The following SLC18B1 variants were observed in gnomAD, a reference collection of about 807,000 sequenced individuals.
SLC18B1 encodes the protein solute carrier family 18 member B1.
SLC18B1 carries 62 observed loss-of-function variants against 53.9 expected under a neutral mutation model. The ratio of observed to expected loss-of-function variants is 1.15; its 90% CI spans 0.94 to 1.42. The LOEUF (loss-of-function observed/expected upper bound fraction) is 1.42. Ranked by LOEUF, SLC18B1 falls within the 40% of genes most tolerant of loss-of-function variation. The probability of loss-of-function intolerance (pLI) is 0.00; values close to 1 mark genes in which losing one functional copy is unlikely to be tolerated. For synonymous variants in SLC18B1, 217 were observed against 200.9 expected (o/e 1.08, Z -0.68); for missense variants, 598 against 547.3 (o/e 1.09, Z -0.93).
Position 132,798,502 on chromosome 6 carries a change from C to T in SLC18B1, c.-46G>A, listed in dbSNP as rs753584107. 43 of 1,440,968 alleles carry T rather than the reference C, an allele frequency of 3.0e-5. No individual in the cohort carries two copies. Among genetic ancestry groups the T allele is most frequent in the Admixed American group, 1.4e-4 (5 of 35,510 alleles). 89.3% of individuals were successfully genotyped at this position (1,440,968 alleles called of 1,614,324 possible). ...CGCCCCAGCTCCCGGCTTCAAGCCACGTCCTTGGACTCGACCTCCAAGGAG... is the reference window on the plus strand; with the variant it reads ...CGCCCCAGCTCCCGGCTTCAAGCCATGTCCTTGGACTCGACCTCCAAGGAG... On this transcript the variant is annotated 5_prime_UTR_variant, in exon 1 of 14. The change creates a new upstream start codon in the 5' untranslated region. Coordinates refer to ENST00000275227, the MANE Select transcript of SLC18B1 (RefSeq NM_052831.3).
chr6:132,782,777 A>ATT (rs397886990), intron 6 of SLC18B1, among the ~76,000 whole-genome samples: 17 of 144,566 alleles, frequency 1.2e-4, no homozygotes, highest in African/African-American at 2.3e-4. Context: ...AATAATAACA[A>ATT]TTTTTTTTTT....
At position 132,770,412 on chromosome 6, in the gene SLC18B1, C is replaced by T. The variant is rs933681855; in HGVS notation, c.1305-76G>A. On this transcript the variant is annotated intron_variant, in intron 13 of 13. Coordinates refer to ENST00000275227, the MANE Select transcript of SLC18B1 (RefSeq NM_052831.3). ...CAAACAAACAAACAAAAAACCAGTA[C>T]CTGTATCTCCATCCAACTATCTTTT... The T allele has an allele frequency of 1.7e-5, 21 of 1,233,946 alleles. No homozygotes were observed. The Admixed American group carries it at 2.7e-4, about 16-fold the overall frequency. 76.4% of individuals were successfully genotyped at this position (1,233,946 alleles called of 1,614,324 possible).
intron 2 of SLC18B1, among the ~76,000 whole-genome samples, chr6:132,792,418 C>T (rs118038135): frequency 0.011 from 1,659 of 151,220 alleles, 29 homozygotes; most frequent in Non-Finnish European, 0.016. Context: ...GAAGGACATT[C>T]ATTAGTCAAG....
intron 8 of SLC18B1, 51 bp downstream of exon 8, chr6:132,776,277 C>T: frequency 7.1e-7 from 1 of 1,416,762 alleles, no homozygotes; most frequent in South Asian, 1.2e-5. Context: ...GTTGGAAAAC[C>T]ACTGCTCTAA....
At chr6:132,795,177 AAAAC>A (rs1181570845) in intron 2 of SLC18B1, among the ~76,000 whole-genome samples, 3 of 152,138 alleles carry the variant, frequency 2.0e-5, no homozygotes, top group Non-Finnish European at 4.4e-5. Flanking sequence ...AAGAAAAAAA[AAAAC>A]AGTCTTATAA....
At chr6:132,779,696 TG>T (rs576540458) in intron 6 of SLC18B1, among the ~76,000 whole-genome samples, 359 of 152,350 alleles carry the variant, frequency 2.4e-3, no homozygotes, top group Middle Eastern at 6.8e-3. Flanking sequence ...ATACTCATCC[TG>T]GCCAGAGATA....
intron 7 of SLC18B1, 40 bp downstream of exon 7, chr6:132,779,228 C>T: frequency 6.2e-7 from 1 of 1,601,972 alleles, no homozygotes. Context: ...TTACATCCAC[C>T]TGCTACAATG....
chr6:132,772,193 C>T lies in SLC18B1; in HGVS notation c.1099G>A (p.Glu367Lys), dbSNP rs1267981218. 5 of 1,570,802 alleles carry T rather than the reference C, an allele frequency of 3.2e-6. No homozygotes were observed. In the African/African-American group the frequency reaches 7.0e-5, roughly 22 times the overall value. Residue 367 changes from glutamate to lysine, a missense_variant, in exon 11 of 14, where the codon GAA becomes AAA. Physicochemically the swap from Glu to Lys is moderately conservative, Grantham distance 56 (BLOSUM62 1). Coordinates refer to ENST00000275227, the MANE Select transcript of SLC18B1 (RefSeq NM_052831.3). Reference protein sequence around the residue: ...ILSCAHENGFEEGLSTLGLVS... With the variant: ...ILSCAHENGFKEGLSTLGLVS... ...AGTCCCAATGTACTTAATCCCTCTTCAAACCCATTTTCACTGCAAAAAGAG... is the reference window on the plus strand; with the variant it reads ...AGTCCCAATGTACTTAATCCCTCTTTAAACCCATTTTCACTGCAAAAAGAG...
intron 2 of SLC18B1, among the ~76,000 whole-genome samples, chr6:132,796,396 G>T (rs1376765106): frequency 6.8e-6 from 1 of 146,852 alleles, no homozygotes; most frequent in Non-Finnish European, 1.5e-5. Flanking sequence ...CGTGGTGGTA[G>T]GCGCCTGTAA....
At chr6:132,771,161 A>G (rs1562261150) in intron 11 of SLC18B1, 32 bp from the exon 12 acceptor site, 2 of 1,572,362 alleles carry the variant, frequency 1.3e-6, no homozygotes, top group Non-Finnish European at 1.7e-6. Context: ...AGTATTCAAT[A>G]GTGCAAAAAA....
intron 2 of SLC18B1, among the ~76,000 whole-genome samples, 166 bp downstream of exon 2, chr6:132,796,816 A>G (rs1201833303): frequency 6.6e-6 from 1 of 152,094 alleles, no homozygotes; most frequent in Admixed American, 6.5e-5. Context: ...TTTTCCTGGT[A>G]TCAGGCATTC....
chr6:132,790,242 T>G lies in SLC18B1; in HGVS notation c.214A>C (p.Ile72Leu). 2.5e-6 allele frequency: 4 copies of G among 1,572,826 alleles called. No homozygotes were observed. The highest frequency in any genetic ancestry group is 3.5e-6 in the Non-Finnish European group (4 of 1,157,036). Residue 72 changes from isoleucine (I) to leucine (L), a missense_variant, in exon 3 of 14, where the codon ATC becomes CTC. Physicochemically the swap from Ile to Leu is conservative, Grantham distance 5. Coordinates refer to ENST00000275227, the MANE Select transcript of SLC18B1 (RefSeq NM_052831.3). ...GCAAAACATCCAAAGATCATACCGA[T>G]AATTGTATTGCTGGCTCCCTTCTTT... ...AEKKGASNTI[I>L]GMIFGCFALF...
At chr6:132,795,806 A>C (rs574697445) in intron 2 of SLC18B1, among the ~76,000 whole-genome samples, 1 of 152,346 alleles carries the variant, frequency 6.6e-6, no homozygotes, top group South Asian at 2.1e-4. Context: ...AAATCTTAAC[A>C]CCATATAAAA....
chr6:132,770,676 C>T (rs1013354784), intron 13 of SLC18B1, among the ~76,000 whole-genome samples: 5 of 152,150 alleles, frequency 3.3e-5, no homozygotes, highest in African/African-American at 9.7e-5. Context: ...GCAGAAGTTG[C>T]AGTGAGCTGA....
At chr6:132,773,537 G>A (rs1460355451) in intron 9 of SLC18B1, among the ~76,000 whole-genome samples, 2 of 152,314 alleles carry the variant, frequency 1.3e-5, no homozygotes, top group South Asian at 4.1e-4. Flanking sequence ...GACTATGCCA[G>A]TTACTTAATA....
intron 2 of SLC18B1, among the ~76,000 whole-genome samples, chr6:132,796,414 T>A (rs1582876748): frequency 7.2e-6 from 1 of 138,684 alleles, no homozygotes; most frequent in Admixed American, 7.3e-5. Flanking sequence ...TAATCCCAGC[T>A]ACTCGGGAGG....
chr6:132,778,033 C>T (rs1781142226), intron 7 of SLC18B1, among the ~76,000 whole-genome samples: 1 of 152,082 alleles, frequency 6.6e-6, no homozygotes, highest in Non-Finnish European at 1.5e-5. Context: ...GGCAGTTTTA[C>T]AGGCTTTGGG....
Position 132,787,589 on chromosome 6 carries a change from G to A in SLC18B1, c.354-8C>T. 1 of 1,529,920 alleles carries A rather than the reference G, an allele frequency of 6.5e-7. No homozygotes were observed. Among genetic ancestry groups the A allele is most frequent in the East Asian group, 2.4e-5 (1 of 41,326 alleles). The allele number at this position is 1,529,920 out of a possible 1,614,324, so 94.8% of individuals were successfully genotyped here. On this transcript the variant is annotated splice_region_variant and splice_polypyrimidine_tract_variant and intron_variant, in intron 4 of 13. Transcript: ENST00000275227. ...GGAACTCGGTCCAATACACTAAAAA[G>A]GAATAAGACAATTCTGAAATGCCAA...
At chr6:132,792,380 AAG>A (rs1187100427) in intron 2 of SLC18B1, among the ~76,000 whole-genome samples, 2 of 148,258 alleles carry the variant, frequency 1.3e-5, no homozygotes, top group Admixed American at 6.7e-5. Flanking sequence ...GAAGGAAAGA[AAG>A]AGAAAGAAGG....
Sources: allele counts gnomAD v4.1 joint callset (sites outside exome capture counted in the v4.1 genomes callset), GRCh38; gene constraint gnomAD v4.1.1; transcripts MANE v1.5; gene names NCBI Gene and HGNC (gene_info 2026-07-23, HGNC 2026-07-21).